TRIO: variants seen among roughly 807,000 people sequenced by gnomAD.
TRIO encodes trio Rho guanine nucleotide exchange factor.
In TRIO, 58 loss-of-function variants were observed where a neutral mutation model predicts 351.9. The ratio of observed to expected loss-of-function variants is 0.16; its 90% CI spans 0.13 to 0.21. TRIO has a LOEUF of 0.21. Ranked by LOEUF, TRIO falls within the 10% of genes least tolerant of loss-of-function variation. The probability of loss-of-function intolerance (pLI) is 1.00; values close to 1 mark genes in which losing one functional copy is unlikely to be tolerated. For synonymous variants in TRIO, 1,758 were observed against 1,595.7 expected (o/e 1.10, Z -2.42); for missense variants, 3,201 against 4,027.8 (o/e 0.79, Z 5.56).
intron 8 of TRIO, among the ~76,000 whole-genome samples, chr5:14,312,324 C>A (rs559497210): frequency 2.8e-4 from 42 of 152,336 alleles, no homozygotes; most frequent in African/African-American, 8.4e-4. Flanking sequence ...ATATTAGGAA[C>A]AAACATATCT....
At chr5:14,181,720 G>A (rs576701691) in intron 1 of TRIO, among the ~76,000 whole-genome samples, 15 of 152,294 alleles carry the variant, frequency 9.8e-5, no homozygotes, top group African/African-American at 3.1e-4. Flanking sequence ...CAATGTCAGG[G>A]GTCTGTAAAG....
intron 34 of TRIO, among the ~76,000 whole-genome samples, chr5:14,455,925 C>T (rs116806522): frequency 0.015 from 2,222 of 152,260 alleles, 18 homozygotes; most frequent in Non-Finnish European, 0.025. Flanking sequence ...TCGATGGGAC[C>T]GGGCGCTGCG....
At chr5:14,160,175 G>A (rs550934999) in intron 1 of TRIO, among the ~76,000 whole-genome samples, 2 of 152,238 alleles carry the variant, frequency 1.3e-5, no homozygotes, top group African/African-American at 4.8e-5. Flanking sequence ...AAACCTTCTC[G>A]CCAGTTATAT....
In TRIO at chr5:14,461,002, C is replaced by G; in HGVS notation, c.5204-17C>G. 2 of 1,543,306 alleles carry G rather than the reference C, an allele frequency of 1.3e-6. No individual in the cohort carries two copies. Among genetic ancestry groups the G allele is most frequent in the Non-Finnish European group, 1.8e-6 (2 of 1,142,014 alleles). On this transcript the variant is annotated splice_polypyrimidine_tract_variant and intron_variant, in intron 34 of 56. Transcript: ENST00000344204. ...TCTGTGCGAGTCAGTGATACTCCCT[C>G]TCTTTCTCCCTGGCAGACTCGCTCT...
rs1299609317 is a variant in TRIO at position 14,508,443 on chromosome 5, C to T, written c.*21C>T. Reference sequence around the variant, plus strand: ...TTTGACCTATCCAGAAGTTCTTTCTCATTCTCTTTCACCTGCCAATCAGCT... The same window carrying T: ...TTTGACCTATCCAGAAGTTCTTTCTTATTCTCTTTCACCTGCCAATCAGCT... On this transcript the variant is annotated 3_prime_UTR_variant, in exon 57 of 57. Transcript: ENST00000344204. 1.3e-6 allele frequency: 2 copies of T among 1,560,040 alleles called. No individual in the cohort carries two copies. The highest frequency in any genetic ancestry group is 8.7e-7 in the Non-Finnish European group (1 of 1,153,434).
chr5:14,211,798 A>G (rs1791917834), intron 1 of TRIO, among the ~76,000 whole-genome samples: 1 of 151,962 alleles, frequency 6.6e-6, no homozygotes, highest in African/African-American at 2.4e-5. Context: ...AAGTATAAAG[A>G]GAAATATAGT....
At position 14,464,386 on chromosome 5, in the gene TRIO, A is replaced by C. The variant is rs190517492; in HGVS notation, c.5668-1159A>C. On this transcript the variant is annotated intron_variant, in intron 36 of 56. Transcript: ENST00000344204. ...TGCTAGTTACTATGTTACCTCGTTG[A>C]GTATTATCAGTAGCAGTTCTTCATT... Among the ~76,000 whole-genome samples the C allele has an allele frequency of 5.2e-3, 790 of 152,218 alleles. 4 individuals are homozygous for C. Among genetic ancestry groups the C allele is most frequent in the Non-Finnish European group, 9.0e-3 (614 of 68,008 alleles).
At chr5:14,300,718 A>C (rs868463708) in intron 7 of TRIO, among the ~76,000 whole-genome samples, 1 of 152,146 alleles carries the variant, frequency 6.6e-6, no homozygotes, top group Non-Finnish European at 1.5e-5. Flanking sequence ...GATAATCTGT[A>C]TGGGGAGGGA....
chr5:14,263,554 G>A (rs943909106), intron 1 of TRIO, among the ~76,000 whole-genome samples: 2 of 152,166 alleles, frequency 1.3e-5, no homozygotes, highest in Admixed American at 1.3e-4. Flanking sequence ...ATTGAATAGG[G>A]TTTCTTTTAG....
At position 14,487,887 on chromosome 5, in the gene TRIO, A is replaced by G; in HGVS notation, c.7259A>G (p.Lys2420Arg). ...ATGAAGGTGCTGGAGAGCCCCAGGA[A>G]AGGCGCCGCGAACGCCTCGGGGTCG... The part of the protein sequence containing the change: ...PKMKVLESPR[K>R]GAANASGSSP... The change falls in exon 48 of 57, where the codon AAA becomes AGA. Residue 2420 changes from lysine to arginine, a missense_variant. Around this residue, in one of 19 missense-constraint regions of TRIO, gnomAD observed 1,089 missense variants for 954.9 expected, o/e 1.14. Transcript: ENST00000344204. The G allele has an allele frequency of 5.2e-6, 8 of 1,540,426 alleles. No individual in the cohort carries two copies. Among genetic ancestry groups the G allele is most frequent in the Non-Finnish European group, 7.0e-6 (8 of 1,143,176 alleles).
chr5:14,463,877 T>A (rs1754021429), intron 36 of TRIO, among the ~76,000 whole-genome samples: 3 of 152,154 alleles, frequency 2.0e-5, no homozygotes, highest in Admixed American at 1.3e-4. Flanking sequence ...AGTCAAATCA[T>A]GCACTCCTCT....
At position 14,398,729 on chromosome 5, in the gene TRIO, G is replaced by T; in HGVS notation, c.4424-151G>T. ...GAATTATCCTCTGTAGGATGGGTCA[G>T]TGGCGTCGAGTCAGGATCAGATGGG... is the stretch of plus-strand genomic sequence containing the variant. On this transcript the variant is annotated intron_variant, in intron 29 of 56. Transcript: ENST00000344204. The T allele has an allele frequency of 1.9e-5, 13 of 681,830 alleles. 1 individual carries two copies. The South Asian group carries it at 2.6e-4, about 14-fold the overall frequency. The allele number at this position is 681,830 out of a possible 1,614,324, so 42.2% of individuals were successfully genotyped here. A position where few individuals can be genotyped will look rare whatever the true frequency, so the allele number is the denominator to read the frequency against.
chr5:14,484,835 C>G (rs548640142), intron 46 of TRIO, among the ~76,000 whole-genome samples: 1 of 152,132 alleles, frequency 6.6e-6, no homozygotes, highest in African/African-American at 2.4e-5. Flanking sequence ...CTAAGGACTT[C>G]CTGTAAGTGG....
intron 34 of TRIO, among the ~76,000 whole-genome samples, chr5:14,425,700 A>C (rs574492713): frequency 6.6e-6 from 1 of 152,218 alleles, no homozygotes; most frequent in East Asian, 1.9e-4. Flanking sequence ...TAATTAGATC[A>C]TGAGGGCAGA....
chr5:14,370,230 GTCC>G (rs1224110461), intron 18 of TRIO, among the ~76,000 whole-genome samples: 1 of 151,824 alleles, frequency 6.6e-6, no homozygotes, highest in African/African-American at 2.4e-5. Context: ...GGCTTAAGCG[GTCC>G]TCCCGCTTCA....
chr5:14,406,036 G>A, intron 32 of TRIO, 46 bp downstream of exon 32: 3 of 1,596,446 alleles, frequency 1.9e-6, no homozygotes, highest in Non-Finnish European at 2.6e-6. Flanking sequence ...TGGGAGGGAG[G>A]GGCGAGGCGG....
At chr5:14,420,183 C>G in intron 34 of TRIO, 162 bp downstream of exon 34, 3 of 1,066,818 alleles carry the variant, frequency 2.8e-6, no homozygotes, top group Non-Finnish European at 4.0e-6. Context: ...TCCATCAGCA[C>G]CTGAAGAGGA....
intron 34 of TRIO, among the ~76,000 whole-genome samples, chr5:14,440,001 T>C (rs905977810): frequency 6.6e-6 from 1 of 152,212 alleles, no homozygotes; most frequent in Non-Finnish European, 1.5e-5. Flanking sequence ...AATTTTATTA[T>C]GCAACAAATG....
intron 31 of TRIO, among the ~76,000 whole-genome samples, chr5:14,401,745 T>C (rs1370795562): frequency 6.6e-6 from 1 of 152,204 alleles, no homozygotes; most frequent in Non-Finnish European, 1.5e-5. Context: ...ATTTTCCTCC[T>C]CTGTGTTTGA....
Sources: gnomAD v4.1 joint callset for allele counts (sites outside exome capture counted in the v4.1 genomes callset) on GRCh38, gnomAD v4.1.1 for gene constraint, gnomAD v4.1.1 regional missense constraint, MANE v1.5 for transcripts, NCBI Gene and HGNC (gene_info 2026-07-23, HGNC 2026-07-21) for gene names.